RARB: variants seen among roughly 807,000 people sequenced by gnomAD.
RARB encodes the protein HBV-activated protein.
In RARB, 17 loss-of-function variants were observed where a neutral mutation model predicts 51.9. The ratio of observed to expected loss-of-function variants is 0.33; its 90% confidence interval spans 0.22 to 0.49. The LOEUF (loss-of-function observed/expected upper bound fraction) is 0.49. Among genes scored for constraint, RARB ranks in the 20% least tolerant of loss-of-function variants. The pLI is 0.99. For missense variants in RARB, 369 were observed against 550.8 expected (o/e 0.67, Z 3.30); for synonymous variants, 215 against 195.4 (o/e 1.10, Z -0.84).
At chr3:25,132,263 A>C (rs1208239886) in intron 4 of RARB, among the ~76,000 whole-genome samples, 1 of 151,870 alleles carries the variant, frequency 6.6e-6, no homozygotes, top group Non-Finnish European at 1.5e-5. Context: ...ATCTATGTTT[A>C]ATAGCAGCAA....
At chr3:25,199,201 G>A (rs1225868656) in intron 5 of RARB, among the ~76,000 whole-genome samples, 1 of 151,904 alleles carries the variant, frequency 6.6e-6, no homozygotes, top group African/African-American at 2.4e-5. Context: ...GGCACAGAAA[G>A]ATAAACATCA....
intron 2 of RARB, among the ~76,000 whole-genome samples, chr3:25,465,370 A>G (rs1659825407): frequency 1.3e-5 from 2 of 152,180 alleles, no homozygotes; most frequent in Non-Finnish European, 2.9e-5. Flanking sequence ...AACTGGCCCA[A>G]CCATTGGCTG....
rs569519518 is a variant in RARB at position 24,975,217 on chromosome 3, T to C, written c.-379-84908T>C. Among the ~76,000 whole-genome samples, 35 of 152,278 alleles carry C rather than the reference T, an allele frequency of 2.3e-4. 1 individual carries two copies. The South Asian group carries it at 7.2e-3, about 32-fold the overall frequency. On this transcript the variant is annotated intron_variant, in intron 2 of 11. Transcript: ENST00000383772. The stretch of plus-strand genomic sequence containing the variant: ...CTGGCTGTCATGGTGAGAAGTAGCA[T>C]GTGCTGATAATTCTAATTCTATCTC...
intron 2 of RARB, among the ~76,000 whole-genome samples, chr3:25,022,014 G>A (rs1697649891): frequency 6.6e-6 from 1 of 152,106 alleles, no homozygotes; most frequent in African/African-American, 2.4e-5. Context: ...ACTCTAGAGG[G>A]CAACAGAGGC....
At chr3:24,988,887 G>A (rs1046325332) in intron 2 of RARB, among the ~76,000 whole-genome samples, 14 of 152,144 alleles carry the variant, frequency 9.2e-5, no homozygotes, top group Admixed American at 4.6e-4. Context: ...GTGCAGTGGC[G>A]CAATCTGGGC....
At chr3:25,022,500 T>A (rs1484354620) in intron 2 of RARB, among the ~76,000 whole-genome samples, 2 of 152,218 alleles carry the variant, frequency 1.3e-5, no homozygotes, top group Non-Finnish European at 2.9e-5. Flanking sequence ...TTTTCTAATT[T>A]TAAAAACTCT....
At chr3:25,156,076 G>A (rs1700368958) in intron 4 of RARB, among the ~76,000 whole-genome samples, 2 of 152,202 alleles carry the variant, frequency 1.3e-5, no homozygotes, top group South Asian at 4.1e-4. Flanking sequence ...TGAGAGTGCT[G>A]TTTGGTCTTC....
intron 3 of RARB, among the ~76,000 whole-genome samples, chr3:25,517,701 A>G (rs1048940468): frequency 5.3e-5 from 8 of 152,260 alleles, no homozygotes; most frequent in African/African-American, 1.9e-4. Flanking sequence ...AGAAATGCTC[A>G]TAGAAGCATT....
intron 2 of RARB, among the ~76,000 whole-genome samples, chr3:24,888,984 A>T (rs1463626910): frequency 6.6e-6 from 1 of 152,126 alleles, no homozygotes; most frequent in Admixed American, 6.6e-5. Context: ...CCTTTTGATG[A>T]TAATGTGAAT....
chr3:25,374,295 A>G (rs980396120), intron 5 of RARB, among the ~76,000 whole-genome samples: 45 of 152,210 alleles, frequency 3.0e-4, no homozygotes, highest in African/African-American at 1.0e-3. Flanking sequence ...CAGGTACACA[A>G]GTCTCAGGAC....
At position 24,868,527 on chromosome 3, in the gene RARB, T is replaced by C. The variant is rs537567421; in HGVS notation, c.-380+9775T>C. Among the ~76,000 whole-genome samples the C allele has an allele frequency of 1.5e-4, 23 of 152,268 alleles. No homozygotes were observed. In the South Asian group the frequency reaches 4.4e-3, roughly 29 times the overall value. On this transcript the variant is annotated intron_variant, in intron 2 of 11. Transcript: ENST00000383772. ...AACCATCTGCATGGACTCCTCCTCT[T>C]GGCCAGGGGCATCCCAAAGTTAAAC... is the stretch of plus-strand genomic sequence containing the variant.
chr3:25,093,665 G>A (rs1319414953), intron 3 of RARB, among the ~76,000 whole-genome samples: 1 of 152,110 alleles, frequency 6.6e-6, no homozygotes, highest in East Asian at 1.9e-4. Flanking sequence ...TATCCTTGTT[G>A]TAGAATCTAA....
Position 25,112,517 on chromosome 3 carries a change from C to A in RARB, c.-327-19644C>A, listed in dbSNP as rs1013210158. Reference sequence around the variant, plus strand: ...GGTGGCCAGGAGTGGTGGCTCATACCTGTAATCCCAGCACTTTGGGAAACT... The same window carrying A: ...GGTGGCCAGGAGTGGTGGCTCATACATGTAATCCCAGCACTTTGGGAAACT... On this transcript the variant is annotated intron_variant, in intron 3 of 11. Coordinates refer to the RARB transcript ENST00000383772. Among the ~76,000 whole-genome samples, 3 of 152,044 alleles carry A rather than the reference C, an allele frequency of 2.0e-5. No homozygotes were observed. In the East Asian group the frequency reaches 5.8e-4, roughly 29 times the overall value.
intron 4 of RARB, among the ~76,000 whole-genome samples, chr3:25,160,867 C>T (rs965368230): frequency 3.9e-5 from 6 of 152,116 alleles, no homozygotes; most frequent in African/African-American, 1.2e-4. Context: ...TCCTTCCTCA[C>T]CTTCAAAGCA....
At chr3:25,117,995 T>G (rs904942047) in intron 3 of RARB, among the ~76,000 whole-genome samples, 1 of 152,110 alleles carries the variant, frequency 6.6e-6, no homozygotes, top group African/African-American at 2.4e-5. Context: ...TGTAAAGAAG[T>G]GTCACATATT....
At chr3:25,144,028 C>CA (rs1050055427) in intron 4 of RARB, among the ~76,000 whole-genome samples, 2 of 152,126 alleles carry the variant, frequency 1.3e-5, no homozygotes, top group Non-Finnish European at 2.9e-5. Flanking sequence ...GGCCCCAGAA[C>CA]AAAATTTTTT....
intron 4 of RARB, among the ~76,000 whole-genome samples, chr3:25,136,129 A>G (rs1223429661): frequency 2.6e-5 from 4 of 151,900 alleles, no homozygotes; most frequent in Non-Finnish European, 5.9e-5. Context: ...CTCAGAATAT[A>G]AAGGATTTAT....
At chr3:25,292,336 G>C (rs548886495) in intron 5 of RARB, among the ~76,000 whole-genome samples, 1 of 152,194 alleles carries the variant, frequency 6.6e-6, no homozygotes, top group East Asian at 1.9e-4. Flanking sequence ...AGTCCTCCCC[G>C]ATGTCACAGA....
chr3:25,297,612 A>C (rs1482549405), intron 5 of RARB, among the ~76,000 whole-genome samples: 2 of 152,090 alleles, frequency 1.3e-5, no homozygotes, highest in Admixed American at 6.6e-5. Flanking sequence ...ATGTACAGGG[A>C]AAAGCAGATC....
Sources: allele counts gnomAD v4.1 joint callset (sites outside exome capture counted in the v4.1 genomes callset), GRCh38; gene constraint gnomAD v4.1.1; transcripts MANE v1.5; gene names NCBI Gene and HGNC (gene_info 2026-07-23, HGNC 2026-07-21).